ZNF708: variants seen among roughly 807,000 people sequenced by gnomAD.
ZNF708 encodes ZNF15, ZNF15L1.
ZNF708 carries 44 observed loss-of-function variants against 47.0 expected under a neutral mutation model. The observed-to-expected ratio is 0.94, with a 90% CI of 0.74 to 1.20. The LOEUF is 1.20. Among genes scored for constraint, ZNF708 ranks in the 50% most tolerant of loss-of-function variants. The probability of loss-of-function intolerance (pLI) is 0.00; values close to 1 mark genes in which losing one functional copy is unlikely to be tolerated. For missense variants in ZNF708, 557 were observed against 656.0 expected, an observed-to-expected ratio of 0.85 and a Z score of 1.65; for synonymous variants, 184 against 218.5, an observed-to-expected ratio of 0.84 and a Z score of 1.39.
At chr19:21,305,527 C>T (rs968499806) in intron 3 of ZNF708, among the ~76,000 whole-genome samples, 7 of 151,430 alleles carry the variant, frequency 4.6e-5, no homozygotes, top group Admixed American at 6.6e-5. Context: ...GGCCTGATCT[C>T]GGCTCACTGC....
At chr19:21,297,865 G>A (rs1389020982) in intron 3 of ZNF708, among the ~76,000 whole-genome samples, 1 of 151,890 alleles carries the variant, frequency 6.6e-6, no homozygotes, top group Non-Finnish European at 1.5e-5. Flanking sequence ...GTCAAAAAGT[G>A]TCATATTTAA....
chr19:21,320,698 A>G (rs980969527), intron 1 of ZNF708, among the ~76,000 whole-genome samples: 6 of 150,586 alleles, frequency 4.0e-5, no homozygotes, highest in African/African-American at 1.5e-4. Context: ...GTCTCCAAAG[A>G]AAAATAAAAT....
chr19:21,322,297 TTC>T (rs1021738784), intron 1 of ZNF708, among the ~76,000 whole-genome samples: 10 of 149,438 alleles, frequency 6.7e-5, no homozygotes, highest in African/African-American at 2.2e-4. Flanking sequence ...TTTTTTTTCT[TTC>T]TTTCCTTTTT....
chr19:21,313,113 C>G (rs984246575), intron 1 of ZNF708, among the ~76,000 whole-genome samples: 2 of 86,792 alleles, frequency 2.3e-5, no homozygotes, highest in Non-Finnish European at 4.6e-5. Flanking sequence ...CTCATCTCTA[C>G]TAAAAATACA....
At position 21,291,750 on chromosome 19, in the gene ZNF708, A is replaced by C. The variant is rs1972399021; in HGVS notation, c.*1524T>G. 6.6e-6 allele frequency: 1 copy of C among 152,126 alleles called. No individual in the cohort carries two copies. Among genetic ancestry groups the C allele is most frequent in the Non-Finnish European group, 1.5e-5 (1 of 68,128 alleles). The allele number at this position is 152,126 out of a possible 1,614,324, so 9.4% of individuals were successfully genotyped here. ...CGTGGTGGTGTGCACCTGTAATCTC[A>C]GCTACTCAGTAGGCTGAGGCAGGAG... On this transcript the variant is annotated 3_prime_UTR_variant, in exon 4 of 4. Transcript: ENST00000356929.
At chr19:21,322,643 G>A (rs774589174) in intron 1 of ZNF708, among the ~76,000 whole-genome samples, 61 of 152,240 alleles carry the variant, frequency 4.0e-4, no homozygotes, top group Non-Finnish European at 7.4e-4. Context: ...CTCTCACCCT[G>A]GGAGAACTGA....
chr19:21,319,725 T>C (rs1973089706), intron 1 of ZNF708, among the ~76,000 whole-genome samples: 2 of 152,072 alleles, frequency 1.3e-5, no homozygotes, highest in African/African-American at 4.8e-5. Flanking sequence ...TCACTAATTA[T>C]TAGAAAAATG....
chr19:21,295,356 G>C (rs555960793), intron 3 of ZNF708, among the ~76,000 whole-genome samples: 118 of 152,268 alleles, frequency 7.7e-4, no homozygotes, highest in Middle Eastern at 3.4e-3. Context: ...CAAAATTTCA[G>C]ACAAGACACA....
At chr19:21,306,496 A>G (rs2145163601) in intron 3 of ZNF708, among the ~76,000 whole-genome samples, 1 of 152,332 alleles carries the variant, frequency 6.6e-6, no homozygotes, top group South Asian at 2.1e-4. Flanking sequence ...TAATTTATAG[A>G]GAAACACATA....
chr19:21,317,790 C>G (rs1369590860), intron 1 of ZNF708, among the ~76,000 whole-genome samples: 1 of 152,162 alleles, frequency 6.6e-6, no homozygotes, highest in Non-Finnish European at 1.5e-5. Context: ...ATTGGGGATG[C>G]CACCTATCTA....
chr19:21,299,671 G>A (rs1294013335), intron 3 of ZNF708, among the ~76,000 whole-genome samples: 1 of 151,180 alleles, frequency 6.6e-6, no homozygotes, highest in Non-Finnish European at 1.5e-5. Context: ...TACTCAGAAG[G>A]CTGAGTCAAA....
intron 3 of ZNF708, among the ~76,000 whole-genome samples, chr19:21,295,335 T>C (rs1047183078): frequency 2.0e-5 from 3 of 152,116 alleles, no homozygotes; most frequent in Non-Finnish European, 4.4e-5. Context: ...TTCTTTAACT[T>C]AAAAAGCCCA....
intron 1 of ZNF708, among the ~76,000 whole-genome samples, chr19:21,316,163 C>T (rs141698366): frequency 0.028 from 2,194 of 79,180 alleles, 57 homozygotes; most frequent in African/African-American, 0.085. Context: ...GACAGGGTTT[C>T]GCTCTTGTTG....
At chr19:21,321,856 G>A (rs76688173) in intron 1 of ZNF708, among the ~76,000 whole-genome samples, 21,366 of 151,844 alleles carry the variant, frequency 0.14, 1,975 homozygotes, top group Non-Finnish European at 0.21. Flanking sequence ...TTACAAACCT[G>A]CACATGTACC....
At chr19:21,297,986 T>TGC (rs776023064) in intron 3 of ZNF708, among the ~76,000 whole-genome samples, 176 of 152,054 alleles carry the variant, frequency 1.2e-3, no homozygotes, top group Non-Finnish European at 2.0e-3. Flanking sequence ...TGTGTGTGTG[T>TGC]GTGTGTATGT....
Position 21,329,322 on chromosome 19 carries a change from A to G in ZNF708, c.-110T>C. On this transcript the variant is annotated 5_prime_UTR_variant, in exon 1 of 4. Coordinates refer to ENST00000356929, the MANE Select transcript of ZNF708 (RefSeq NM_021269.3). The stretch of plus-strand genomic sequence containing the variant: ...AGGAGCAGAGGACAAACAGCAGTGA[A>G]GACGAGACCGGAGCTCCGGCTGCAG... The G allele has an allele frequency of 6.5e-7, 1 of 1,526,942 alleles. No individual in the cohort carries two copies. The highest frequency in any genetic ancestry group is 1.4e-5 in the African/African-American group (1 of 72,796). The allele number at this position is 1,526,942 out of a possible 1,614,324, so 94.6% of individuals were successfully genotyped here.
chr19:21,296,892 G>A (rs914415784), intron 3 of ZNF708, among the ~76,000 whole-genome samples: 12 of 151,944 alleles, frequency 7.9e-5, no homozygotes, highest in African/African-American at 2.9e-4. Context: ...CAGCACTTTG[G>A]GAGGCTGAGG....
At position 21,310,543 on chromosome 19, in the gene ZNF708, T is replaced by C. The variant is rs1972877221; in HGVS notation, c.88A>G (p.Arg30Gly). The C allele has an allele frequency of 1.3e-6, 2 of 1,484,804 alleles. No homozygotes were observed. The highest frequency in any genetic ancestry group is 2.8e-5 in the African/African-American group (2 of 70,220). The allele number at this position is 1,484,804 out of a possible 1,614,324, so 92.0% of individuals were successfully genotyped here. The change falls in exon 2 of 4, where the codon AGG becomes GGG. Residue 30 changes from arginine (R) to glycine (G), a missense_variant. Physicochemically the swap from Arg to Gly is moderately radical, Grantham distance 125. Coordinates refer to ENST00000356929, the MANE Select transcript of ZNF708 (RefSeq NM_021269.3). Reference sequence around the variant, plus strand: ...CTATAATTCTCTAACATGACATTCCTATATAAATTCTGCTGTGCTGTGTCC... The same window carrying C: ...CTATAATTCTCTAACATGACATTCCCATATAAATTCTGCTGTGCTGTGTCC... ...CLDTAQQNLYRNVMLENYRNL... is the reference protein window; with the variant it reads ...CLDTAQQNLYGNVMLENYRNL...
At chr19:21,297,866 T>C (rs1972571470) in intron 3 of ZNF708, among the ~76,000 whole-genome samples, 1 of 151,956 alleles carries the variant, frequency 6.6e-6, no homozygotes, top group Middle Eastern at 3.4e-3. Flanking sequence ...TCAAAAAGTG[T>C]CATATTTAAC....
Sources: allele counts gnomAD v4.1 joint callset (sites outside exome capture counted in the v4.1 genomes callset), GRCh38; gene constraint gnomAD v4.1.1; transcripts MANE v1.5; gene names NCBI Gene and HGNC (gene_info 2026-07-23, HGNC 2026-07-21).